ZMYM2: variants seen among roughly 807,000 people sequenced by gnomAD.
ZMYM2 encodes the protein zinc finger MYM-type protein 2.
A neutral mutation model predicts 162.8 loss-of-function variants in ZMYM2; 56 were observed. The observed-to-expected ratio is 0.34, with a 90% CI of 0.28 to 0.43. The LOEUF (loss-of-function observed/expected upper bound fraction) is 0.43. ZMYM2 is among the 20% of genes least tolerant of loss of function. The pLI is 1.00. For synonymous variants in ZMYM2, 510 were observed against 541.6 expected, an observed-to-expected ratio of 0.94 and a Z score of 0.81; for missense variants, 1,275 against 1,621.8, an observed-to-expected ratio of 0.79 and a Z score of 3.67.
chr13:20,011,770 G>A (rs1359812726), intron 6 of ZMYM2, among the ~76,000 whole-genome samples: 1 of 150,278 alleles, frequency 6.7e-6, no homozygotes, highest in Non-Finnish European at 1.5e-5. Flanking sequence ...TCTTTTTTGA[G>A]ATGGAGTCTT....
At chr13:19,994,517 T>C (rs878951827) in intron 3 of ZMYM2, among the ~76,000 whole-genome samples, 1 of 151,912 alleles carries the variant, frequency 6.6e-6, no homozygotes, top group Non-Finnish European at 1.5e-5. Context: ...TGAGATGGAG[T>C]CTTGCTCTGT....
chr13:20,050,171 TTTATAC>T (rs1200289740), intron 12 of ZMYM2, among the ~76,000 whole-genome samples: 1 of 151,930 alleles, frequency 6.6e-6, no homozygotes, highest in Non-Finnish European at 1.5e-5. Flanking sequence ...GTAGTCATAA[TTTATAC>T]TATAAATCTT....
intron 2 of ZMYM2, among the ~76,000 whole-genome samples, chr13:19,989,298 T>C (rs1472797164): frequency 6.6e-6 from 1 of 152,100 alleles, no homozygotes; most frequent in Non-Finnish European, 1.5e-5. Flanking sequence ...TACATGAGAT[T>C]GTTTTTGTTT....
intron 7 of ZMYM2, among the ~76,000 whole-genome samples, chr13:20,023,806 A>G (rs561617754): frequency 7.0e-4 from 106 of 152,334 alleles, no homozygotes; most frequent in Middle Eastern, 3.4e-3. Flanking sequence ...GCATAAAATT[A>G]TATTTCCCTT....
chr13:20,074,356 T>C (rs1301042366), intron 21 of ZMYM2, among the ~76,000 whole-genome samples: 1 of 151,324 alleles, frequency 6.6e-6, no homozygotes, highest in East Asian at 2.0e-4. Flanking sequence ...CTCAGCCCTT[T>C]AGGTGGCTGG....
the ZMYM2 span, among the ~76,000 whole-genome samples, chr13:19,894,108 T>TAC: frequency 7.7e-3 from 1,159 of 151,486 alleles, 13 homozygotes; most frequent in Middle Eastern, 0.017. Context: ...GGAACACACA[T>TAC]ACACACACAC....
At chr13:20,051,256 T>TC (rs56284213) in intron 12 of ZMYM2, among the ~76,000 whole-genome samples, 177 bp from the exon 13 acceptor site, 3,534 of 25,042 alleles carry the variant, frequency 0.14, 221 homozygotes, top group African/African-American at 0.25. Flanking sequence ...TGAAATTGTA[T>TC]TTTTTTTTTT....
chr13:19,866,393 C>T, the ZMYM2 span, among the ~76,000 whole-genome samples: 4 of 152,104 alleles, frequency 2.6e-5, no homozygotes, highest in Admixed American at 2.6e-4. Context: ...TGGCCCGGTG[C>T]GGTGGCTCAC....
chr13:20,029,655 G>A lies in ZMYM2; in HGVS notation c.1852-1664G>A, dbSNP rs1159176603. Among the ~76,000 whole-genome samples, 4 of 151,976 alleles carry A rather than the reference G, an allele frequency of 2.6e-5. No individual in the cohort carries two copies. The East Asian group carries it at 7.7e-4, about 29-fold the overall frequency. ...ATTGAATGGCTAATTTTTATTAACC[G>A]TTTCATGCATTAAGATTATATGTAA... On this transcript the variant is annotated intron_variant, in intron 9 of 24. Coordinates refer to ENST00000610343, the MANE Select transcript of ZMYM2 (RefSeq NM_197968.4).
the ZMYM2 span, among the ~76,000 whole-genome samples, chr13:19,881,980 CA>C: frequency 8.2e-3 from 994 of 121,694 alleles, 4 homozygotes; most frequent in South Asian, 0.019. Flanking sequence ...ACTCTGTATC[CA>C]AAAAAAAAAA....
At chr13:19,865,800 GAAAATTTAGGA>G in the ZMYM2 span, among the ~76,000 whole-genome samples, 1 of 152,002 alleles carries the variant, frequency 6.6e-6, no homozygotes, top group Admixed American at 6.6e-5. Flanking sequence ...GAGGGTTGTC[GAAAATTTAGGA>G]AAAAAAAGTC....
chr13:19,886,314 A>G, the ZMYM2 span, among the ~76,000 whole-genome samples: 11 of 150,920 alleles, frequency 7.3e-5, no homozygotes, highest in Non-Finnish European at 1.5e-4. Flanking sequence ...ACAGGCGTAC[A>G]CCACCACACC....
the ZMYM2 span, among the ~76,000 whole-genome samples, chr13:19,889,292 A>G: frequency 6.6e-6 from 1 of 151,708 alleles, no homozygotes; most frequent in African/African-American, 2.4e-5. Context: ...GTGAGTGCCT[A>G]TTGGTTGTTT....
In ZMYM2 at chr13:19,993,450, A is replaced by G; in HGVS notation, c.378A>G (p.Glu126=). 6.2e-7 allele frequency: 1 copy of G among 1,614,042 alleles called. No homozygotes were observed. The highest frequency in any genetic ancestry group is 8.5e-7 in the Non-Finnish European group (1 of 1,179,936). ...TCATTGATGATGAAGAGGACATGGA[A>G]ACAAATCAAGGGCAAGAGAAAAATT... is the stretch of plus-strand genomic sequence containing the variant. ...TIVIDDEEDM[E]TNQGQEKNSS... is the part of the protein sequence containing the mutation. The change falls in exon 3 of 25, where the codon GAA becomes GAG. Residue 126 remains glutamate (E), a synonymous_variant. Coordinates refer to ENST00000610343, the MANE Select transcript of ZMYM2 (RefSeq NM_197968.4).
chr13:19,877,725 T>G, the ZMYM2 span, among the ~76,000 whole-genome samples: 1 of 152,328 alleles, frequency 6.6e-6, no homozygotes, highest in Admixed American at 6.5e-5. Context: ...TGTCCAAATT[T>G]CCTTCCTTTT....
At chr13:20,078,510 G>C (rs1237490784) in intron 21 of ZMYM2, among the ~76,000 whole-genome samples, 1 of 152,178 alleles carries the variant, frequency 6.6e-6, no homozygotes, top group Non-Finnish European at 1.5e-5. Context: ...CCAATAGTCT[G>C]AACATATCTA....
At position 20,005,116 on chromosome 13, in the gene ZMYM2, T is replaced by C. The variant is rs1950646878; in HGVS notation, c.1176T>C (p.Asp392=). The change falls in exon 5 of 25, where the codon GAT becomes GAC. Residue 392 remains aspartate, a synonymous_variant. Coordinates refer to ENST00000610343, the MANE Select transcript of ZMYM2 (RefSeq NM_197968.4). ...TMKGTIVAQV[D]SSESFQEFCS... The stretch of plus-strand genomic sequence containing the variant: ...AAGGAACCATTGTTGCTCAAGTGGA[T>C]TCAAGTGAGTCCTTCCAGGAATTCT... The C allele has an allele frequency of 6.2e-7, 1 of 1,607,420 alleles. No individual in the cohort carries two copies.
At chr13:19,971,262 A>ATT (rs67460005) in intron 2 of ZMYM2, among the ~76,000 whole-genome samples, 23 of 78,332 alleles carry the variant, frequency 2.9e-4, no homozygotes, top group African/African-American at 6.0e-4. Flanking sequence ...ATATATATAT[A>ATT]TTTTTTTTTT....
At chr13:19,886,604 C>G in the ZMYM2 span, among the ~76,000 whole-genome samples, 1 of 151,740 alleles carries the variant, frequency 6.6e-6, no homozygotes, top group African/African-American at 2.4e-5. Context: ...AGAAGCTGGA[C>G]AATTTGTCTA....
Sources: allele counts gnomAD v4.1 joint callset (sites outside exome capture counted in the v4.1 genomes callset), GRCh38; gene constraint gnomAD v4.1.1; transcripts MANE v1.5; gene names NCBI Gene and HGNC (gene_info 2026-07-23, HGNC 2026-07-21).